Variants in UBR1 observed in about 807,000 individuals in gnomAD.
UBR1 encodes E3 ubiquitin-protein ligase UBR1.
UBR1 carries 102 observed loss-of-function variants against 242.1 expected under a neutral mutation model. That is an observed-to-expected ratio of 0.42 (90% CI 0.36 to 0.50). The LOEUF is 0.50. Ranked by LOEUF, UBR1 falls within the 20% of genes least tolerant of loss-of-function variation. The pLI, the probability that UBR1 is intolerant of heterozygous loss-of-function variation, is 0.01. For missense variants in UBR1, 1,772 were observed against 2,101.8 expected (o/e 0.84, Z 3.07); for synonymous variants, 675 against 684.8 (o/e 0.99, Z 0.22).
chr15:42,969,790 T>C (rs966149408), intron 40 of UBR1, among the ~76,000 whole-genome samples: 91 of 152,268 alleles, frequency 6.0e-4, no homozygotes, highest in African/African-American at 2.1e-3. Context: ...TTAAAAGGGA[T>C]GTGAAGGACT....
intron 23 of UBR1, 118 bp downstream of exon 23, chr15:43,026,443 T>C: frequency 2.7e-6 from 2 of 754,094 alleles, no homozygotes; most frequent in Middle Eastern, 2.5e-4. Context: ...TTGGGTGACA[T>C]AATGACCTCT....
intron 30 of UBR1, among the ~76,000 whole-genome samples, chr15:43,006,782 A>G (rs1030155174): frequency 7.9e-5 from 12 of 152,224 alleles, no homozygotes; most frequent in African/African-American, 2.9e-4. Flanking sequence ...ATCATAAAAA[A>G]AGGAGGGACT....
chr15:42,950,673 G>T, intron 45 of UBR1: 1 of 366,762 alleles, frequency 2.7e-6, no homozygotes, highest in South Asian at 2.6e-5. Context: ...AATGGTGGCT[G>T]GGGTTGTTTC....
chr15:43,060,197 G>A (rs2033666094), intron 6 of UBR1, 83 bp from the exon 7 acceptor site: 1 of 1,269,524 alleles, frequency 7.9e-7, no homozygotes, highest in Non-Finnish European at 1.2e-6. Flanking sequence ...GACTTAATGA[G>A]CTCTTAACTG....
At position 43,054,831 on chromosome 15, in the gene UBR1, A is replaced by C; in HGVS notation, c.1350T>G (p.Pro450=). 1 of 1,614,166 alleles carries C rather than the reference A, an allele frequency of 6.2e-7. No individual in the cohort carries two copies. The highest frequency in any genetic ancestry group is 8.5e-7 in the Non-Finnish European group (1 of 1,180,004). The change falls in exon 12 of 47, where the codon CCT becomes CCG. Residue 450 remains proline, a synonymous_variant. Transcript: ENST00000290650. ...VITETLLEVL[P]EYLDRNNKFN... is the part of the protein sequence containing the mutation. Reference sequence around the variant, plus strand: ...ATTTATTGTTCCTGTCCAAGTACTCAGGTAAAACTTCTAGCAGAGTTTCAG... The same window carrying C: ...ATTTATTGTTCCTGTCCAAGTACTCCGGTAAAACTTCTAGCAGAGTTTCAG...
chr15:43,035,551 C>T lies in UBR1; in HGVS notation c.2190+627G>A, dbSNP rs563383291. Among the ~76,000 whole-genome samples the T allele has an allele frequency of 5.4e-3, 800 of 148,964 alleles. 6 individuals are homozygous for T. Among genetic ancestry groups the T allele is most frequent in the African/African-American group, 0.019 (760 of 40,296 alleles). ...AGCCCTTTGTCAGATGAGTAGGTTG[C>T]GAAAATTTTCTCCCATTTTGTAGGT... On this transcript the variant is annotated intron_variant, in intron 19 of 46. Coordinates refer to ENST00000290650, the MANE Select transcript of UBR1 (RefSeq NM_174916.3).
intron 1 of UBR1, among the ~76,000 whole-genome samples, chr15:43,093,168 A>C (rs1477924686): frequency 1.3e-5 from 2 of 152,222 alleles, no homozygotes; most frequent in East Asian, 3.9e-4. Flanking sequence ...ATCCCCAAGG[A>C]GACTAGAGAT....
rs774833230 is a variant in UBR1, at chr15:43,105,985, T to G, written c.38A>C (p.Glu13Ala). ...DEEAGGTERM[E>A]ISAELPQTPQ... is the part of the protein sequence containing the mutation. ...GGTCTGGGGTAACTCCGCGCTGATT[T>G]CCATCCTCTCAGTACCTCCAGCCTC... The change falls in exon 1 of 47, where the codon GAA (glutamate) becomes GCA (alanine). Residue 13 changes from glutamate (E) to alanine (A), a missense_variant. By Grantham distance (107) the Glu-to-Ala change is moderately radical (BLOSUM62 -1). This residue lies in a region of UBR1 where 734 missense variants were observed against 893.3 expected (regional missense o/e 0.82). Transcript: ENST00000290650. 15 of 1,613,976 alleles carry G rather than the reference T, an allele frequency of 9.3e-6. No individual in the cohort carries two copies. In the South Asian group the frequency reaches 1.6e-4, roughly 18 times the overall value.
At chr15:43,090,705 C>T (rs1036171096) in intron 1 of UBR1, among the ~76,000 whole-genome samples, 3 of 151,456 alleles carry the variant, frequency 2.0e-5, no homozygotes, top group African/African-American at 7.3e-5. Context: ...ACAGAACTAG[C>T]TCTTTTCAAT....
intron 10 of UBR1, among the ~76,000 whole-genome samples, chr15:43,056,841 G>C (rs1256277612): frequency 6.6e-6 from 1 of 152,138 alleles, no homozygotes; most frequent in Non-Finnish European, 1.5e-5. Context: ...TTTAACAACT[G>C]ATATGACCCA....
At chr15:43,067,732 A>G (rs181556586) in intron 6 of UBR1, among the ~76,000 whole-genome samples, 166 bp downstream of exon 6, 31 of 152,344 alleles carry the variant, frequency 2.0e-4, no homozygotes, top group African/African-American at 7.0e-4. Context: ...ATTTAAAATT[A>G]TGATATACAC....
intron 32 of UBR1, among the ~76,000 whole-genome samples, chr15:43,001,508 C>T (rs1169047313): frequency 6.6e-6 from 1 of 152,188 alleles, no homozygotes; most frequent in African/African-American, 2.4e-5. Context: ...TTTATGGGGA[C>T]ATAAAGGTAT....
intron 39 of UBR1, among the ~76,000 whole-genome samples, chr15:42,975,468 T>C (rs1490873666): frequency 1.3e-5 from 2 of 152,136 alleles, no homozygotes; most frequent in Non-Finnish European, 2.9e-5. Context: ...CCAAGTAATA[T>C]CACAATAAAT....
In UBR1 at chr15:43,085,185, T is replaced by A. The variant is rs114949426; in HGVS notation, c.338+799A>T. Among the ~76,000 whole-genome samples the A allele has an allele frequency of 9.2e-3, 1,399 of 152,328 alleles. 17 individuals are homozygous for A. The highest frequency in any genetic ancestry group is 0.032 in the African/African-American group (1,335 of 41,582). ...AGGTTTGGCAATAAATCTCACTTGG[T>A]GGCAAAAAATTACTTTAAATGACAT... On this transcript the variant is annotated intron_variant, in intron 2 of 46. Transcript: ENST00000290650.
At chr15:43,085,274 G>A (rs1381965890) in intron 2 of UBR1, among the ~76,000 whole-genome samples, 1 of 152,228 alleles carries the variant, frequency 6.6e-6, no homozygotes, top group Non-Finnish European at 1.5e-5. Context: ...AAGAAAGATT[G>A]TGTTTGATTA....
intron 29 of UBR1, 178 bp downstream of exon 29, chr15:43,015,510 G>A (rs989540225): frequency 8.2e-6 from 5 of 612,384 alleles, no homozygotes; most frequent in Non-Finnish European, 1.4e-5. Context: ...CACTGCGGAA[G>A]GCCGCAGGGT....
rs139686505 is a variant in UBR1 at position 43,070,800 on chromosome 15, C to A, written c.654G>T (p.Gln218His). 2,950 of 1,613,310 alleles carry A rather than the reference C, an allele frequency of 1.8e-3. 13 individuals are homozygous for A. The highest frequency in any genetic ancestry group is 1.7e-3 in the Non-Finnish European group (1,947 of 1,179,968). Residue 218 changes from glutamine to histidine, a missense_variant, in exon 5 of 47, where the codon CAG becomes CAT. By Grantham distance (24) the Gln-to-His change is conservative (BLOSUM62 0). Transcript: ENST00000290650. ...EEEKELPPELQIREKNERYYC... is the reference protein window; with the variant it reads ...EEEKELPPELHIREKNERYYC... Reference sequence around the variant, plus strand: ...CGTTTGACAGTTTTCCCCACCTTATCTGGAGTTCAGGAGGCAGTTCTTTTT... The same window carrying A: ...CGTTTGACAGTTTTCCCCACCTTATATGGAGTTCAGGAGGCAGTTCTTTTT...
chr15:42,960,698 C>A lies in UBR1; in HGVS notation c.4704G>T (p.Trp1568Cys), dbSNP rs1567108628. The change falls in exon 43 of 47, where the codon TGG (tryptophan) becomes TGT (cysteine). Residue 1568 changes from tryptophan to cysteine, a missense_variant. Trp to Cys is a radical substitution (Grantham distance 215, BLOSUM62 -2). Coordinates refer to ENST00000290650, the MANE Select transcript of UBR1 (RefSeq NM_174916.3). ...AGTTTAGTAAGGCAGGATCTGCACACCACCTGTATGTGGAGCCAAGAGAAA... is the reference window on the plus strand; with the variant it reads ...AGTTTAGTAAGGCAGGATCTGCACAACACCTGTATGTGGAGCCAAGAGAAA... ...WDTVRPLLQRWCADPALLNCL... is the reference protein window; with the variant it reads ...WDTVRPLLQRCCADPALLNCL... 6.2e-7 allele frequency: 1 copy of A among 1,613,984 alleles called. No homozygotes were observed. Among genetic ancestry groups the A allele is most frequent in the South Asian group, 1.1e-5 (1 of 91,076 alleles).
chr15:43,101,929 C>T (rs775975299), intron 1 of UBR1, among the ~76,000 whole-genome samples: 4 of 140,472 alleles, frequency 2.8e-5, no homozygotes, highest in Non-Finnish European at 6.0e-5. Flanking sequence ...GATCTCGCCA[C>T]GCACTCCAGC....
Sources: allele counts gnomAD v4.1 joint callset (sites outside exome capture counted in the v4.1 genomes callset), GRCh38; gene constraint gnomAD v4.1.1; regional missense constraint gnomAD v4.1.1; transcripts MANE v1.5; gene names NCBI Gene and HGNC (gene_info 2026-07-23, HGNC 2026-07-21).